NPAS3: variants seen among roughly 807,000 people sequenced by gnomAD.
The protein encoded by NPAS3 is neuronal PAS domain protein 3.
Under a neutral mutation model 73.1 loss-of-function variants are expected in NPAS3, and 14 were observed. The observed-to-expected ratio is 0.19, with a 90% CI of 0.13 to 0.30. The LOEUF (loss-of-function observed/expected upper bound fraction) is 0.30, where lower values mean the gene tolerates loss of function less well. Among genes scored for constraint, NPAS3 ranks in the 10% least tolerant of loss-of-function variants. The pLI, the probability that NPAS3 is intolerant of heterozygous loss-of-function variation, is 1.00. For synonymous variants in NPAS3, 620 were observed against 541.5 expected, an observed-to-expected ratio of 1.14 and a Z score of -2.01; for missense variants, 1,096 against 1,250.0, an observed-to-expected ratio of 0.88 and a Z score of 1.86.
chr14:33,293,892 G>A (rs181226693), intron 3 of NPAS3, among the ~76,000 whole-genome samples: 1 of 152,246 alleles, frequency 6.6e-6, no homozygotes, highest in Non-Finnish European at 1.5e-5. Flanking sequence ...GATGGCTCAG[G>A]GTAAAAGAAT....
At chr14:33,531,803 G>C (rs79166209) in intron 4 of NPAS3, among the ~76,000 whole-genome samples, 138 of 152,194 alleles carry the variant, frequency 9.1e-4, no homozygotes, top group African/African-American at 3.2e-3. Flanking sequence ...CCCATCAAGT[G>C]TTATTCTGCA....
intron 3 of NPAS3, among the ~76,000 whole-genome samples, chr14:33,261,026 T>C (rs544776015): frequency 1.3e-5 from 2 of 152,346 alleles, no homozygotes; most frequent in South Asian, 2.1e-4. Flanking sequence ...TACAGACACC[T>C]GTCATCAGCC....
intron 4 of NPAS3, among the ~76,000 whole-genome samples, chr14:33,511,188 G>A (rs1465363703): frequency 6.6e-6 from 1 of 152,048 alleles, no homozygotes; most frequent in East Asian, 1.9e-4. Context: ...GATGCAGATG[G>A]CACAGTTGTG....
intron 4 of NPAS3, among the ~76,000 whole-genome samples, chr14:33,395,606 T>C (rs1280751738): frequency 6.6e-6 from 1 of 152,144 alleles, no homozygotes; most frequent in Non-Finnish European, 1.5e-5. Flanking sequence ...TATGTACAGA[T>C]AGATAATTCA....
At chr14:33,318,668 A>T (rs2043308309) in intron 3 of NPAS3, among the ~76,000 whole-genome samples, 1 of 152,218 alleles carries the variant, frequency 6.6e-6, no homozygotes, top group East Asian at 1.9e-4. Context: ...CTACAATATT[A>T]TTTTCACTTT....
At chr14:32,973,283 TATTA>T (rs2037514640) in intron 1 of NPAS3, among the ~76,000 whole-genome samples, 1 of 152,136 alleles carries the variant, frequency 6.6e-6, no homozygotes, top group Non-Finnish European at 1.5e-5. Context: ...TTTTGTCTCT[TATTA>T]ATTTTTTTAA....
chr14:33,249,577 A>G lies in NPAS3; in HGVS notation c.385+34151A>G, dbSNP rs139174314. 1.4e-4 allele frequency among the ~76,000 whole-genome samples: 22 copies of G among 152,212 alleles called. No homozygotes were observed. In the East Asian group the frequency reaches 3.9e-3, roughly 27 times the overall value. On this transcript the variant is annotated intron_variant, in intron 3 of 11. Coordinates refer to ENST00000356141, the Ensembl canonical transcript of NPAS3. ...TCTATTGTTTTGCTCTTTCAAGGAT[A>G]CTAACTCTTTCCTTCTTCCTGGGGA...
At chr14:33,546,219 G>A (rs2054837145) in intron 4 of NPAS3, among the ~76,000 whole-genome samples, 1 of 152,194 alleles carries the variant, frequency 6.6e-6, no homozygotes, top group African/African-American at 2.4e-5. Flanking sequence ...AGATATGAAA[G>A]AATCCATTCT....
At chr14:33,615,037 G>A (rs2057870078) in intron 5 of NPAS3, among the ~76,000 whole-genome samples, 1 of 152,142 alleles carries the variant, frequency 6.6e-6, no homozygotes, top group Non-Finnish European at 1.5e-5. Context: ...TAGGAGTTCT[G>A]TAAGTAGAGC....
At chr14:32,992,970 C>A (rs2038396058) in intron 1 of NPAS3, among the ~76,000 whole-genome samples, 1 of 152,040 alleles carries the variant, frequency 6.6e-6, no homozygotes, top group Non-Finnish European at 1.5e-5. Context: ...GACTGGCCAA[C>A]ATGGTGAAAC....
intron 1 of NPAS3, among the ~76,000 whole-genome samples, chr14:32,990,254 A>G (rs1377447908): frequency 6.6e-6 from 1 of 152,214 alleles, no homozygotes; most frequent in African/African-American, 2.4e-5. Flanking sequence ...GCAAGTGCTT[A>G]TTGAATGATT....
chr14:33,447,037 G>T (rs1176799591), intron 4 of NPAS3, among the ~76,000 whole-genome samples: 4 of 152,218 alleles, frequency 2.6e-5, no homozygotes, highest in Non-Finnish European at 5.9e-5. Context: ...ATACTTATGA[G>T]CTAAGCAGGT....
At chr14:33,062,195 G>C (rs966106216) in intron 2 of NPAS3, among the ~76,000 whole-genome samples, 2 of 151,748 alleles carry the variant, frequency 1.3e-5, no homozygotes, top group Non-Finnish European at 1.5e-5. Context: ...TGCTGTGGGA[G>C]TGTTCCATAG....
At chr14:33,186,002 G>A (rs1018434034) in intron 2 of NPAS3, among the ~76,000 whole-genome samples, 2 of 152,158 alleles carry the variant, frequency 1.3e-5, no homozygotes, top group Non-Finnish European at 2.9e-5. Context: ...GCTCTGATGA[G>A]AAATGCTTGG....
intron 3 of NPAS3, among the ~76,000 whole-genome samples, chr14:33,271,849 T>C (rs748005478): frequency 1.6e-4 from 25 of 152,146 alleles, no homozygotes; most frequent in Non-Finnish European, 3.4e-4. Context: ...ATATTCCTTA[T>C]TAATGTAATC....
chr14:32,996,177 G>T (rs899155283), intron 1 of NPAS3, among the ~76,000 whole-genome samples: 1 of 152,170 alleles, frequency 6.6e-6, no homozygotes, highest in African/African-American at 2.4e-5. Context: ...TTTGTAATTT[G>T]AACTTGAAGG....
At chr14:33,560,074 C>G (rs772686683) in intron 4 of NPAS3, 47 bp from the exon 5 acceptor site, 10 of 747,772 alleles carry the variant, frequency 1.3e-5, no homozygotes, top group Non-Finnish European at 2.1e-5. Flanking sequence ...AAATCTGCAT[C>G]CTTTGTATTT....
intron 7 of NPAS3, among the ~76,000 whole-genome samples, chr14:33,771,670 G>C (rs1022257226): frequency 5.3e-5 from 8 of 152,090 alleles, no homozygotes; most frequent in African/African-American, 1.7e-4. Context: ...AAATTAGCTG[G>C]GCATGGTGGC....
upstream of NPAS3, chr14:32,935,063 C>G (rs1427109396): frequency 9.9e-5 from 103 of 1,040,314 alleles, no homozygotes; most frequent in Non-Finnish European, 1.3e-4. Flanking sequence ...GGGTGGGACT[C>G]ACTTTGCCTC....
Sources: allele counts gnomAD v4.1 joint callset (sites outside exome capture counted in the v4.1 genomes callset), GRCh38; gene constraint gnomAD v4.1.1; transcripts MANE v1.5; gene names NCBI Gene and HGNC (gene_info 2026-07-23, HGNC 2026-07-21).